LSG1: variants seen among roughly 807,000 people sequenced by gnomAD.
The protein encoded by LSG1 is large 60S subunit nuclear export GTPase 1.
In LSG1, 55 loss-of-function variants were observed where a neutral mutation model predicts 82.6. The ratio of observed to expected loss-of-function variants is 0.67; its 90% CI spans 0.54 to 0.83. The LOEUF is 0.83. Ranked by LOEUF, LSG1 falls within the 40% of genes least tolerant of loss-of-function variation. The pLI, the probability that LSG1 is intolerant of heterozygous loss-of-function variation, is 0.00. For synonymous variants in LSG1, 272 were observed against 282.5 expected, an observed-to-expected ratio of 0.96 and a Z score of 0.37; for missense variants, 809 against 807.9, an observed-to-expected ratio of 1.00 and a Z score of -0.02.
chr3:194,669,661 C>T (rs1409269707), intron 2 of LSG1, among the ~76,000 whole-genome samples: 2 of 152,178 alleles, frequency 1.3e-5, no homozygotes, highest in African/African-American at 4.8e-5. Context: ...AGGGCGGGCA[C>T]GGTGGCTCAC....
intron 2 of LSG1, among the ~76,000 whole-genome samples, chr3:194,666,875 T>C (rs1417391013): frequency 6.6e-6 from 1 of 152,160 alleles, no homozygotes; most frequent in Non-Finnish European, 1.5e-5. Flanking sequence ...CAGCATCATC[T>C]GGTAGCTTGT....
At chr3:194,654,105 G>A (rs1016557818) in intron 7 of LSG1, among the ~76,000 whole-genome samples, 2 of 151,578 alleles carry the variant, frequency 1.3e-5, no homozygotes, top group South Asian at 4.2e-4. Context: ...TTTTAAAGAC[G>A]GTGGTTGGCA....
At chr3:194,670,194 A>G in intron 1 of LSG1, 59 bp from the exon 2 acceptor site, 3 of 1,594,850 alleles carry the variant, frequency 1.9e-6, no homozygotes, top group Non-Finnish European at 2.6e-6. Context: ...GGCATCCAAT[A>G]AGCTCTAAAA....
intron 5 of LSG1, among the ~76,000 whole-genome samples, chr3:194,662,514 G>A (rs1354049184): frequency 6.6e-6 from 1 of 152,160 alleles, no homozygotes; most frequent in East Asian, 1.9e-4. Context: ...TGTAACCCCA[G>A]CACTTTGGGA....
chr3:194,660,226 T>TTAAGCACTGGAC, intron 5 of LSG1, 93 bp from the exon 6 acceptor site: 1 of 942,338 alleles, frequency 1.1e-6, no homozygotes, highest in South Asian at 1.3e-5. Context: ...ACCCTGGCAA[T>TTAAGCACTGGAC]ATATTAAGCA....
chr3:194,645,539 C>CACAG (rs1718516214), intron 12 of LSG1: 9 of 32,400 alleles, frequency 2.8e-4, no homozygotes, highest in Admixed American at 6.7e-4. Context: ...CAGACAGACA[C>CACAG]ACACACACAC....
chr3:194,650,680 C>T (rs1429137247), intron 10 of LSG1: 12 of 453,278 alleles, frequency 2.6e-5, no homozygotes, highest in Non-Finnish European at 4.2e-5. Flanking sequence ...CTGGATTCTC[C>T]CATTTCTTCA....
At position 194,670,151 on chromosome 3, in the gene LSG1, G is replaced by A. The variant is rs772771473; in HGVS notation, c.100-16C>T. 4.3e-6 allele frequency: 7 copies of A among 1,611,816 alleles called. No individual in the cohort carries two copies. The Admixed American group carries it at 1.2e-4, about 27-fold the overall frequency. On this transcript the variant is annotated splice_polypyrimidine_tract_variant and intron_variant, in intron 1 of 13. Coordinates refer to ENST00000265245, the MANE Select transcript of LSG1 (RefSeq NM_018385.3). The stretch of plus-strand genomic sequence containing the variant: ...TTGTGTGCAACTATGAAAAAACACA[G>A]GGTGATAAATACAGCTGCTCTCTTC...
At chr3:194,661,534 C>T (rs1718929749) in intron 5 of LSG1, among the ~76,000 whole-genome samples, 2 of 152,228 alleles carry the variant, frequency 1.3e-5, no homozygotes, top group Non-Finnish European at 2.9e-5. Flanking sequence ...CCTTATCTGA[C>T]TGGAAGACAG....
chr3:194,671,847 A>G (rs1489850416), intron 1 of LSG1: 10 of 600,948 alleles, frequency 1.7e-5, no homozygotes, highest in Non-Finnish European at 2.9e-5. Context: ...TCCACGCCTC[A>G]TCACCACACT....
In LSG1 at chr3:194,666,555, A is replaced by C. The variant is rs757276618; in HGVS notation, c.244T>G (p.Phe82Val). ...EFVAEKLNIK[F>V]VPAEARTGLL... Reference sequence around the variant, plus strand: ...CCAGTTCTAGCCTCAGCAGGCACAAACTTAATATTAAGTTTCTCTGTTCAA... The same window carrying C: ...CCAGTTCTAGCCTCAGCAGGCACAACCTTAATATTAAGTTTCTCTGTTCAA... Residue 82 changes from phenylalanine (F) to valine (V), a missense_variant, in exon 3 of 14, where the codon TTT becomes GTT. Phe to Val is a conservative substitution (Grantham distance 50). Transcript: ENST00000265245. 1 of 1,611,620 alleles carries C rather than the reference A, an allele frequency of 6.2e-7. No homozygotes were observed. The highest frequency in any genetic ancestry group is 2.2e-5 in the East Asian group (1 of 44,860).
At chr3:194,650,440 G>T (rs61196789) in intron 10 of LSG1, among the ~76,000 whole-genome samples, 1 of 152,164 alleles carries the variant, frequency 6.6e-6, no homozygotes. Flanking sequence ...TGCCTTAAGC[G>T]TTGCTTTTTG....
intron 1 of LSG1, among the ~76,000 whole-genome samples, chr3:194,671,439 G>A (rs1460770533): frequency 6.6e-6 from 1 of 152,124 alleles, no homozygotes; most frequent in Non-Finnish European, 1.5e-5. Context: ...TTTAGCACAC[G>A]ATCTTAGCAC....
chr3:194,652,372 G>A (rs750167701), intron 8 of LSG1, among the ~76,000 whole-genome samples: 1 of 152,194 alleles, frequency 6.6e-6, no homozygotes, highest in Non-Finnish European at 1.5e-5. Flanking sequence ...GCATAAGCTG[G>A]CAAGGATCAC....
intron 5 of LSG1, chr3:194,660,754 G>A (rs1221421554): frequency 9.9e-6 from 4 of 405,822 alleles, no homozygotes; most frequent in East Asian, 7.2e-5. Context: ...AGGTTGCCCG[G>A]CTGAAGCAGG....
At chr3:194,670,243 G>C in intron 1 of LSG1, 108 bp from the exon 2 acceptor site, 1 of 1,164,838 alleles carries the variant, frequency 8.6e-7, no homozygotes, top group Non-Finnish European at 1.2e-6. Context: ...GGTGGTTGTA[G>C]TCCCTTTAGA....
At chr3:194,668,056 G>T (rs1577260746) in intron 2 of LSG1, among the ~76,000 whole-genome samples, 1 of 149,062 alleles carries the variant, frequency 6.7e-6, no homozygotes, top group African/African-American at 2.5e-5. Context: ...ACAGAGTTGT[G>T]CAGCCATTGC....
At chr3:194,656,138 A>C (rs567341328) in intron 7 of LSG1, among the ~76,000 whole-genome samples, 11 of 152,124 alleles carry the variant, frequency 7.2e-5, no homozygotes, top group African/African-American at 2.6e-4. Context: ...AACAAAAGCC[A>C]AAATTGACAA....
intron 1 of LSG1, among the ~76,000 whole-genome samples, chr3:194,670,625 C>T (rs186214760): frequency 6.6e-6 from 1 of 152,250 alleles, no homozygotes; most frequent in East Asian, 1.9e-4. Context: ...AATACTGAAA[C>T]CACACCCTAT....
Sources: gnomAD v4.1 joint callset for allele counts (sites outside exome capture counted in the v4.1 genomes callset) on GRCh38, gnomAD v4.1.1 for gene constraint, MANE v1.5 for transcripts, NCBI Gene and HGNC (gene_info 2026-07-23, HGNC 2026-07-21) for gene names.